Variants in SI observed in about 807,000 individuals in gnomAD.
SI encodes the protein sucrase-isomaltase, intestinal.
In SI, 235 loss-of-function variants were observed where a neutral mutation model predicts 253.3. The ratio of observed to expected loss-of-function variants is 0.93; its 90% CI spans 0.83 to 1.03. The LOEUF is 1.03. Ranked by LOEUF, SI falls within the 50% of genes least tolerant of loss-of-function variation. The pLI is 0.00. For synonymous variants in SI, 819 were observed against 712.0 expected (o/e 1.15, Z -2.39); for missense variants, 2,442 against 2,211.1 (o/e 1.10, Z -2.09).
chr3:165,004,980 G>T (rs1576879946), intron 37 of SI, among the ~76,000 whole-genome samples: 1 of 152,056 alleles, frequency 6.6e-6, no homozygotes, highest in Non-Finnish European at 1.5e-5. Context: ...TAGTTCTCAT[G>T]AGAGCTGATG....
Position 165,018,075 on chromosome 3 carries a change from C to T in SI, c.3424-9G>A, listed in dbSNP as rs200107559. On this transcript the variant is annotated splice_polypyrimidine_tract_variant and intron_variant, in intron 28 of 47. Transcript: ENST00000264382. Reference sequence around the variant, plus strand: ...TAGGAATTAAGTTTGTACTGAAATACGAAAAATAAGCACAATATATTTTAA... The same window carrying T: ...TAGGAATTAAGTTTGTACTGAAATATGAAAAATAAGCACAATATATTTTAA... The T allele has an allele frequency of 2.8e-4, 423 of 1,484,630 alleles. No homozygotes were observed. Among genetic ancestry groups the T allele is most frequent in the Non-Finnish European group, 3.8e-4 (402 of 1,062,670 alleles). 92.0% of individuals were successfully genotyped at this position (1,484,630 alleles called of 1,614,324 possible).
chr3:165,070,117 TTAAA>T (rs1714461564), intron 3 of SI, among the ~76,000 whole-genome samples: 1 of 146,658 alleles, frequency 6.8e-6, no homozygotes, highest in South Asian at 2.1e-4. Flanking sequence ...TATATAATAT[TTAAA>T]TAGATAAGTA....
Position 165,009,286 on chromosome 3 carries a change from A to C in SI, c.4172T>G (p.Leu1391Trp), listed in dbSNP as rs1305050775. ...FYNEKMKFDGLWIDMNEPSSF... is the reference protein window; with the variant it reads ...FYNEKMKFDGWWIDMNEPSSF... ...TGTTCAAAGCTTACTTACAATCCAC[A>C]AACCATCAAACTTCATCTTTTCATT... is the stretch of plus-strand genomic sequence containing the variant. Residue 1391 changes from leucine (L) to tryptophan (W), a missense_variant, in exon 35 of 48, where the codon TTG (leucine) becomes TGG (tryptophan). Coordinates refer to ENST00000264382, the MANE Select transcript of SI (RefSeq NM_001041.4). The C allele has an allele frequency of 1.9e-6, 3 of 1,599,064 alleles. No individual in the cohort carries two copies. Among genetic ancestry groups the C allele is most frequent in the Non-Finnish European group, 2.6e-6 (3 of 1,166,560 alleles).
chr3:165,020,672 T>A (rs970443774), intron 27 of SI, among the ~76,000 whole-genome samples: 7 of 151,540 alleles, frequency 4.6e-5, no homozygotes, highest in African/African-American at 1.7e-4. Context: ...CATGGCAAAC[T>A]TAAATTACAT....
chr3:165,030,490 A>G (rs2108201909), intron 25 of SI, among the ~76,000 whole-genome samples: 1 of 151,074 alleles, frequency 6.6e-6, no homozygotes, highest in South Asian at 2.1e-4. Context: ...CTGGAAAGCA[A>G]TTTACACATC....
the SI span, among the ~76,000 whole-genome samples, chr3:165,085,867 C>T: frequency 1.0e-3 from 157 of 152,128 alleles, no homozygotes; most frequent in African/African-American, 3.5e-3. Flanking sequence ...AATTATTTTC[C>T]CCAGAATACG....
At chr3:165,018,631 CT>C (rs1374333480) in intron 28 of SI, among the ~76,000 whole-genome samples, 3 of 150,654 alleles carry the variant, frequency 2.0e-5, no homozygotes, top group Admixed American at 6.6e-5. Context: ...AGATTATATA[CT>C]TTTGATTCTT....
intron 20 of SI, 114 bp downstream of exon 20, chr3:165,038,964 A>C (rs1712676434): frequency 1.5e-6 from 1 of 651,994 alleles, no homozygotes. Context: ...GTAATGACAG[A>C]AATTCTAAAA....
intron 22 of SI, among the ~76,000 whole-genome samples, chr3:165,034,449 ATTGT>A (rs911515793): frequency 6.6e-6 from 1 of 151,952 alleles, no homozygotes; most frequent in African/African-American, 2.4e-5. Context: ...TTATCTCAAC[ATTGT>A]TTGATTGATG....
At chr3:165,049,471 G>T (rs940950354) in intron 14 of SI, among the ~76,000 whole-genome samples, 1 of 151,808 alleles carries the variant, frequency 6.6e-6, no homozygotes, top group African/African-American at 2.4e-5. Flanking sequence ...ATTTACATTG[G>T]CAAATACTCT....
Position 165,049,819 on chromosome 3 carries a change from G to T in SI, c.1569C>A (p.Asn523Lys). 6.2e-7 allele frequency: 1 copy of T among 1,605,176 alleles called. No individual in the cohort carries two copies. The highest frequency in any genetic ancestry group is 8.5e-7 in the Non-Finnish European group (1 of 1,172,828). ...GAGTAAACGGTGGATAATTCAATTTGTTTACATTACATCCTTTTGTTGAAC... is the reference window on the plus strand; with the variant it reads ...GAGTAAACGGTGGATAATTCAATTTTTTTACATTACATCCTTTTGTTGAAC... ...IQGSTKGCNV[N>K]KLNYPPFTPD... Residue 523 changes from asparagine to lysine, a missense_variant, in exon 14 of 48, where the codon AAC becomes AAA. Coordinates refer to ENST00000264382, the MANE Select transcript of SI (RefSeq NM_001041.4).
upstream of SI, among the ~76,000 whole-genome samples, chr3:165,082,497 A>G (rs1234290385): frequency 6.6e-6 from 1 of 151,914 alleles, no homozygotes; most frequent in African/African-American, 2.4e-5. Context: ...CGGAGAACCA[A>G]ATTTCTTAAC....
chr3:165,033,621 T>C (rs984744286), intron 22 of SI, among the ~76,000 whole-genome samples, 177 bp from the exon 23 acceptor site: 1 of 151,610 alleles, frequency 6.6e-6, no homozygotes, highest in Non-Finnish European at 1.5e-5. Context: ...ATAATAATGG[T>C]ATTTCATTTT....
At chr3:165,057,039 T>A (rs1012111483) in intron 12 of SI, among the ~76,000 whole-genome samples, 1 of 151,986 alleles carries the variant, frequency 6.6e-6, no homozygotes, top group African/African-American at 2.4e-5. Context: ...GTGTGAACTT[T>A]CAGACAGAAA....
rs370532837 is a variant in SI at position 165,062,442 on chromosome 3, T to G, written c.949A>C (p.Thr317Pro). 1.9e-6 allele frequency: 3 copies of G among 1,605,312 alleles called. No individual in the cohort carries two copies. The highest frequency in any genetic ancestry group is 2.6e-6 in the Non-Finnish European group (3 of 1,172,728). Residue 317 changes from threonine to proline, a missense_variant, in exon 9 of 48, where the codon ACC (threonine) becomes CCC (proline). Transcript: ENST00000264382. Reference sequence around the variant, plus strand: ...ATGTAAAAATCCAGAATGCCACCGGTAACTCTATATGTTACTATTGGAGTA... The same window carrying G: ...ATGTAAAAATCCAGAATGCCACCGGGAACTCTATATGTTACTATTGGAGTA... ...QPTPIVTYRVTGGILDFYILL... is the reference protein window; with the variant it reads ...QPTPIVTYRVPGGILDFYILL...
intron 28 of SI, among the ~76,000 whole-genome samples, chr3:165,019,229 C>A: frequency 6.6e-6 from 1 of 151,854 alleles, no homozygotes; most frequent in Middle Eastern, 3.4e-3. Context: ...CAAATCAGTA[C>A]CTGAGAAGTA....
intron 40 of SI, among the ~76,000 whole-genome samples, chr3:164,995,848 A>C (rs1409265887): frequency 2.0e-5 from 3 of 151,742 alleles, no homozygotes; most frequent in African/African-American, 4.8e-5. Flanking sequence ...ATCCCTTTTT[A>C]GAATATATAA....
chr3:165,071,949 A>G (rs969031465), intron 3 of SI, among the ~76,000 whole-genome samples: 1 of 152,122 alleles, frequency 6.6e-6, no homozygotes, highest in Non-Finnish European at 1.5e-5. Flanking sequence ...TGCACTTTGC[A>G]TGGAATTATG....
At chr3:165,032,383 A>T in intron 24 of SI, 139 bp downstream of exon 24, 1 of 568,642 alleles carries the variant, frequency 1.8e-6, no homozygotes, top group Non-Finnish European at 3.1e-6. Flanking sequence ...TGAAGAAAAA[A>T]ATGAAGGGAA....
Sources: gnomAD v4.1 joint callset for allele counts (sites outside exome capture counted in the v4.1 genomes callset) on GRCh38, gnomAD v4.1.1 for gene constraint, MANE v1.5 for transcripts, NCBI Gene and HGNC (gene_info 2026-07-23, HGNC 2026-07-21) for gene names.